The following SOX6 variants were observed in gnomAD, a reference collection of about 807,000 sequenced individuals.
SOX6 encodes the protein transcription factor SOX-6.
A neutral mutation model predicts 97.8 loss-of-function variants in SOX6; 11 were observed. The observed-to-expected ratio is 0.11, with a 90% CI of 0.07 to 0.19. The LOEUF (loss-of-function observed/expected upper bound fraction) is 0.19. SOX6 is among the 10% of genes least tolerant of loss of function. The pLI is 1.00. For synonymous variants in SOX6, 360 were observed against 371.4 expected, an observed-to-expected ratio of 0.97 and a Z score of 0.35; for missense variants, 810 against 1,039.5, an observed-to-expected ratio of 0.78 and a Z score of 3.04.
intron 3 of SOX6, among the ~76,000 whole-genome samples, chr11:16,306,328 T>G (rs1365710255): frequency 6.6e-6 from 1 of 152,180 alleles, no homozygotes. Context: ...AACAGCATAA[T>G]TAGGATTATA....
At position 16,040,581 on chromosome 11, in the gene SOX6, A is replaced by C. The variant is rs567338085; in HGVS notation, c.1623+5933T>G. Among the ~76,000 whole-genome samples the C allele has an allele frequency of 1.1e-3, 160 of 152,228 alleles. 1 individual carries two copies. Among genetic ancestry groups the C allele is most frequent in the African/African-American group, 3.6e-3 (149 of 41,584 alleles). On this transcript the variant is annotated intron_variant, in intron 12 of 15. Coordinates refer to ENST00000683767, the MANE Select transcript of SOX6 (RefSeq NM_001367873.1). Reference sequence around the variant, plus strand: ...ATAAATATAGCTATTCATTTCAAAGAAATATGTATGAAGCACATATATCTA... The same window carrying C: ...ATAAATATAGCTATTCATTTCAAAGCAATATGTATGAAGCACATATATCTA...
chr11:16,260,024 C>T (rs927360501), intron 3 of SOX6, among the ~76,000 whole-genome samples: 32 of 150,996 alleles, frequency 2.1e-4, no homozygotes, highest in South Asian at 4.2e-4. Context: ...TATTTTTAGA[C>T]GGAGTCTCGC....
At chr11:16,389,969 TAAAAAAAAA>T (rs536056301) in intron 1 of SOX6, among the ~76,000 whole-genome samples, 8 of 41,856 alleles carry the variant, frequency 1.9e-4, no homozygotes, top group African/African-American at 3.1e-4. Flanking sequence ...GACTCCGTCT[TAAAAAAAAA>T]AAAAAAAAAA....
intron 1 of SOX6, among the ~76,000 whole-genome samples, chr11:16,456,518 T>C (rs1376127387): frequency 6.6e-6 from 1 of 152,070 alleles, no homozygotes; most frequent in Non-Finnish European, 1.5e-5. Flanking sequence ...CAGTCTGTAG[T>C]GAAAGGAGCA....
chr11:16,507,104 G>A (rs1179316944), intron 4 of SOX6, among the ~76,000 whole-genome samples: 1 of 151,996 alleles, frequency 6.6e-6, no homozygotes, highest in African/African-American at 2.4e-5. Context: ...ATAAAAGTGT[G>A]TAGCACCTCT....
intron 15 of SOX6, among the ~76,000 whole-genome samples, chr11:15,976,797 C>G (rs1427609012): frequency 6.6e-6 from 1 of 151,604 alleles, no homozygotes; most frequent in Non-Finnish European, 1.5e-5. Flanking sequence ...AACCCTAACT[C>G]CCTCCTTTCT....
intron 9 of SOX6, among the ~76,000 whole-genome samples, chr11:16,084,671 T>TA (rs1373452025): frequency 6.6e-6 from 1 of 152,176 alleles, no homozygotes; most frequent in East Asian, 1.9e-4. Flanking sequence ...CTGGAACCTC[T>TA]AATCCATTCA....
chr11:16,562,693 C>T (rs1363848849), intron 4 of SOX6, among the ~76,000 whole-genome samples: 1 of 152,146 alleles, frequency 6.6e-6, no homozygotes, highest in Non-Finnish European at 1.5e-5. Flanking sequence ...CATACCTGCA[C>T]CTGTCCCTGG....
intron 4 of SOX6, among the ~76,000 whole-genome samples, chr11:16,565,500 A>G (rs1847860021): frequency 6.6e-6 from 1 of 152,130 alleles, no homozygotes. Flanking sequence ...CAAAAAAAAA[A>G]CAAAGCTTCA....
At position 16,096,016 on chromosome 11, in the gene SOX6, A is replaced by C. The variant is rs776262847; in HGVS notation, c.1081T>G (p.Tyr361Asp). 2 of 1,611,454 alleles carry C rather than the reference A, an allele frequency of 1.2e-6. No homozygotes were observed. The highest frequency in any genetic ancestry group is 1.7e-6 in the Non-Finnish European group (2 of 1,178,342). The change falls in exon 9 of 16, where the codon TAC becomes GAC. Residue 361 changes from tyrosine to aspartate, a missense_variant. By Grantham distance (160) the Tyr-to-Asp change is radical. Around this residue, in one of 9 missense-constraint regions of SOX6, gnomAD observed 244 missense variants for 261.0 expected, o/e 0.93. Coordinates refer to ENST00000683767, the MANE Select transcript of SOX6 (RefSeq NM_001367873.1). ...CATACCTCAATCTGTTTGTGGTTGTAAGAGTGGCCACCACCATGTTCAAAG... is the reference window on the plus strand; with the variant it reads ...CATACCTCAATCTGTTTGTGGTTGTCAGAGTGGCCACCACCATGTTCAAAG... The part of the protein sequence containing the change: ...DTFEHGGGHS[Y>D]NHKQIEQLYA...
chr11:16,681,284 G>A (rs1357273785), intron 3 of SOX6, among the ~76,000 whole-genome samples: 4 of 152,092 alleles, frequency 2.6e-5, no homozygotes, highest in African/African-American at 9.7e-5. Context: ...GCAATCAAAT[G>A]AGAACTCAGG....
intron 3 of SOX6, among the ~76,000 whole-genome samples, chr11:16,239,526 G>GT (rs765989008): frequency 2.0e-5 from 3 of 152,062 alleles, no homozygotes; most frequent in Non-Finnish European, 2.9e-5. Context: ...CAGTCTGCAA[G>GT]TAACACCATG....
chr11:15,999,658 T>C (rs991746775), intron 13 of SOX6, among the ~76,000 whole-genome samples: 1 of 152,158 alleles, frequency 6.6e-6, no homozygotes, highest in African/African-American at 2.4e-5. Flanking sequence ...ATTCAGGCCA[T>C]TGTGAACTCA....
intron 12 of SOX6, among the ~76,000 whole-genome samples, chr11:16,017,117 C>T (rs937650753): frequency 6.6e-6 from 1 of 151,956 alleles, no homozygotes; most frequent in African/African-American, 2.4e-5. Context: ...ACAAAGCTTA[C>T]ATGATGATAA....
chr11:16,304,390 T>C (rs754299409), intron 3 of SOX6, among the ~76,000 whole-genome samples: 1 of 152,150 alleles, frequency 6.6e-6, no homozygotes, highest in Non-Finnish European at 1.5e-5. Flanking sequence ...ATTGATGTCC[T>C]TATAAAAGAG....
chr11:15,987,300 C>T (rs1319035707), intron 14 of SOX6, among the ~76,000 whole-genome samples: 3 of 152,158 alleles, frequency 2.0e-5, no homozygotes, highest in Non-Finnish European at 4.4e-5. Context: ...ATATTCTCTG[C>T]AGCCAGCAAT....
intron 3 of SOX6, among the ~76,000 whole-genome samples, chr11:16,679,004 G>C (rs1847905799): frequency 6.6e-6 from 1 of 152,218 alleles, no homozygotes; most frequent in Non-Finnish European, 1.5e-5. Flanking sequence ...AAGGCCCACT[G>C]CCTCTCTAGA....
At chr11:16,025,180 GT>G (rs1460346221) in intron 12 of SOX6, among the ~76,000 whole-genome samples, 3 of 152,132 alleles carry the variant, frequency 2.0e-5, no homozygotes, top group Admixed American at 2.0e-4. Flanking sequence ...CCCAAGTAGA[GT>G]TATAAAGTGT....
At chr11:16,421,135 T>C (rs1859014002) in intron 1 of SOX6, among the ~76,000 whole-genome samples, 1 of 152,176 alleles carries the variant, frequency 6.6e-6, no homozygotes, top group Non-Finnish European at 1.5e-5. Flanking sequence ...AGTATCCTTA[T>C]TCTCGAGCAA....
Sources: gnomAD v4.1 joint callset for allele counts (sites outside exome capture counted in the v4.1 genomes callset) on GRCh38, gnomAD v4.1.1 for gene constraint, gnomAD v4.1.1 regional missense constraint, MANE v1.5 for transcripts, NCBI Gene and HGNC (gene_info 2026-07-23, HGNC 2026-07-21) for gene names.